Variants in PRNP observed in about 807,000 individuals in gnomAD.
PRNP encodes the protein major prion protein.
PRNP carries 15 observed loss-of-function variants against 21.3 expected under a neutral mutation model. The ratio of observed to expected loss-of-function variants is 0.71; its 90% CI spans 0.47 to 1.09. PRNP has a LOEUF of 1.09. Ranked by LOEUF, PRNP falls within the 50% of genes least tolerant of loss-of-function variation. The probability of loss-of-function intolerance (pLI) is 0.00; values close to 1 mark genes in which losing one functional copy is unlikely to be tolerated. For synonymous variants in PRNP, 121 were observed against 123.1 expected (o/e 0.98, Z 0.11); for missense variants, 285 against 340.9 (o/e 0.84, Z 1.29).
chr20:4,695,860 T>C (rs1922135860), intron 1 of PRNP, among the ~76,000 whole-genome samples: 1 of 152,230 alleles, frequency 6.6e-6, no homozygotes, highest in South Asian at 2.1e-4. Context: ...TAGTTAGGGA[T>C]CTAGTTTTCT....
chr20:4,700,324 C>CAGAGG lies in PRNP; in HGVS notation c.*342_*343insAGAGG. The CAGAGG allele has an allele frequency of 2.1e-6, 1 of 484,156 alleles. No homozygotes were observed. The highest frequency in any genetic ancestry group is 3.9e-6 in the Non-Finnish European group (1 of 256,020). 30.0% of individuals were successfully genotyped at this position (484,156 alleles called of 1,614,324 possible). A position where few individuals can be genotyped will look rare whatever the true frequency, so the allele number is the denominator to read the frequency against. ...TCAGAACAGTCTGAAATACCTTTGC[C>CAGAGG]TGGATACCTCTGGCTCCTTCAGCAG... is the stretch of plus-strand genomic sequence containing the variant. On this transcript the variant is annotated 3_prime_UTR_variant, in exon 2 of 2. Transcript: ENST00000379440. This position sits in a 1 kb window ranked among gnomAD's most constrained non-coding sequence, Gnocchi z 4.1.
chr20:4,694,602 T>C (rs904017516), intron 1 of PRNP, among the ~76,000 whole-genome samples: 11 of 152,212 alleles, frequency 7.2e-5, no homozygotes, highest in Admixed American at 5.2e-4. Context: ...CTCTTAATTT[T>C]ATTTAGAAAT....
intron 1 of PRNP, among the ~76,000 whole-genome samples, chr20:4,694,192 AT>A (rs200649657): frequency 1.5e-4 from 21 of 140,720 alleles, no homozygotes; most frequent in Admixed American, 2.1e-4. Flanking sequence ...CTAGCCTTCT[AT>A]TTTTTTTTTT....
chr20:4,698,884 G>A (rs1293737631), intron 1 of PRNP, among the ~76,000 whole-genome samples: 2 of 152,202 alleles, frequency 1.3e-5, no homozygotes, highest in African/African-American at 2.4e-5. Context: ...GTCATAAATT[G>A]TCATTCTGGA....
At chr20:4,688,568 A>T (rs188008726) in intron 1 of PRNP, among the ~76,000 whole-genome samples, 10 of 152,346 alleles carry the variant, frequency 6.6e-5, no homozygotes, top group Non-Finnish European at 1.2e-4. Flanking sequence ...AAAAACAGGC[A>T]TGTATTCCTA....
chr20:4,691,687 C>T (rs1032070429), intron 1 of PRNP, among the ~76,000 whole-genome samples: 1 of 152,150 alleles, frequency 6.6e-6, no homozygotes, highest in African/African-American at 2.4e-5. Flanking sequence ...AGAATTTTTG[C>T]ACCTATGTTC....
At chr20:4,698,067 G>A (rs1262425791) in intron 1 of PRNP, among the ~76,000 whole-genome samples, 2 of 151,922 alleles carry the variant, frequency 1.3e-5, no homozygotes, top group Non-Finnish European at 2.9e-5. Context: ...TTCCTGGGGT[G>A]TATGAGTAGC....
Position 4,686,902 on chromosome 20 carries a change from G to A in PRNP, c.-11+390G>A, listed in dbSNP as rs1921478977. ...AGGGAACTCCGGGAGGGCCGCCAGC[G>A]GGCTCCGCAGGGCGCGGGGCGGGGA... is the stretch of plus-strand genomic sequence containing the variant. On this transcript the variant is annotated intron_variant, in intron 1 of 1. Transcript: ENST00000379440. The surrounding 1 kb of genome is among the most constrained non-coding windows in gnomAD (Gnocchi z 6.7). Among the ~76,000 whole-genome samples the A allele has an allele frequency of 1.3e-5, 2 of 151,518 alleles. No homozygotes were observed. Among genetic ancestry groups the A allele is most frequent in the South Asian group, 4.1e-4 (2 of 4,826 alleles).
At chr20:4,688,852 A>G (rs1228260877) in intron 1 of PRNP, among the ~76,000 whole-genome samples, 1 of 152,216 alleles carries the variant, frequency 6.6e-6, no homozygotes, top group African/African-American at 2.4e-5. Flanking sequence ...CGGTGATCTT[A>G]ATTTTCCTTT....
In PRNP at chr20:4,700,593, G is replaced by A. The variant is rs1185513507; in HGVS notation, c.*611G>A. Reference sequence around the variant, plus strand: ...TACTTTTCACAGTATGGGCTACACAGCAGCTGTTCAACAAGAGTAAATATT... The same window carrying A: ...TACTTTTCACAGTATGGGCTACACAACAGCTGTTCAACAAGAGTAAATATT... On this transcript the variant is annotated 3_prime_UTR_variant, in exon 2 of 2. Coordinates refer to ENST00000379440, the MANE Select transcript of PRNP (RefSeq NM_000311.5). This position sits in a 1 kb window ranked among gnomAD's most constrained non-coding sequence, Gnocchi z 4.1. The A allele has an allele frequency of 4.6e-6, 1 of 215,918 alleles. No individual in the cohort carries two copies. The highest frequency in any genetic ancestry group is 1.0e-5 in the Non-Finnish European group (1 of 97,724). 13.4% of individuals were successfully genotyped at this position (215,918 alleles called of 1,614,324 possible).
At chr20:4,693,303 T>A (rs1568530922) in intron 1 of PRNP, among the ~76,000 whole-genome samples, 2 of 152,082 alleles carry the variant, frequency 1.3e-5, no homozygotes, top group Non-Finnish European at 1.5e-5. Flanking sequence ...GCCTCTCCAT[T>A]CCCTTTCTTG....
chr20:4,699,891 C>T lies in PRNP; in HGVS notation c.671C>T (p.Ala224Val), dbSNP rs1448957248. The T allele has an allele frequency of 6.2e-7, 1 of 1,613,848 alleles. No individual in the cohort carries two copies. The highest frequency in any genetic ancestry group is 8.5e-7 in the Non-Finnish European group (1 of 1,179,950). Residue 224 changes from alanine (A) to valine (V), a missense_variant, in exon 2 of 2, where the codon GCC (alanine) becomes GTC (valine). Transcript: ENST00000379440. This position sits in a 1 kb window ranked among gnomAD's most constrained non-coding sequence, Gnocchi z 5.8. ...ACCCAGTACGAGAGGGAATCTCAGG[C>T]CTATTACCAGAGAGGATCGAGCATG... ...CITQYERESQ[A>V]YYQRGSSMVL... is the part of the protein sequence containing the mutation.
rs185377469 is a variant in PRNP, at chr20:4,695,795, A to G, written c.-10-3416A>G. On this transcript the variant is annotated intron_variant, in intron 1 of 1. Coordinates refer to ENST00000379440, the MANE Select transcript of PRNP (RefSeq NM_000311.5). ...CCAATATTTTCCTCTTCTAGCGCCA[A>G]ACTTGTACCTTTCACATGTAAGTCT... is the stretch of plus-strand genomic sequence containing the variant. Among the ~76,000 whole-genome samples the G allele has an allele frequency of 4.1e-4, 62 of 152,258 alleles. 1 individual carries two copies. The highest frequency in any genetic ancestry group is 1.3e-3 in the African/African-American group (53 of 41,542).
chr20:4,693,136 A>G (rs1472701316), intron 1 of PRNP, among the ~76,000 whole-genome samples: 1 of 152,134 alleles, frequency 6.6e-6, no homozygotes, highest in African/African-American at 2.4e-5. Context: ...TGGTTATGGA[A>G]GTCCCAGACC....
Position 4,697,496 on chromosome 20 carries a change from A to G in PRNP, c.-10-1715A>G, listed in dbSNP as rs1922240234. Among the ~76,000 whole-genome samples the G allele has an allele frequency of 6.6e-6, 1 of 152,232 alleles. No individual in the cohort carries two copies. Among genetic ancestry groups the G allele is most frequent in the South Asian group, 2.1e-4 (1 of 4,836 alleles). ...CTGTTTTAGGTAGAGTGATGGGAAC[A>G]GCCCCACTGAGCAAACTTTAGCCAC... On this transcript the variant is annotated intron_variant, in intron 1 of 1. Coordinates refer to ENST00000379440, the MANE Select transcript of PRNP (RefSeq NM_000311.5). The surrounding 1 kb of genome is among the most constrained non-coding windows in gnomAD (Gnocchi z 4.6).
In PRNP at chr20:4,699,661, C is replaced by T. The variant is rs1436968066; in HGVS notation, c.441C>T (p.Asp147=). The change falls in exon 2 of 2, where the codon GAC becomes GAT. Residue 147 remains aspartate (D), a synonymous_variant. Transcript: ENST00000379440. This position sits in a 1 kb window ranked among gnomAD's most constrained non-coding sequence, Gnocchi z 5.8. ...TACATTTCGGCAGTGACTATGAGGA[C>T]CGTTACTATCGTGAAAACATGCACC... ...PIIHFGSDYE[D]RYYRENMHRY... 2 of 1,613,938 alleles carry T rather than the reference C, an allele frequency of 1.2e-6. No individual in the cohort carries two copies. Among genetic ancestry groups the T allele is most frequent in the Non-Finnish European group, 1.7e-6 (2 of 1,180,020 alleles).
At chr20:4,698,324 G>T (rs1922301378) in intron 1 of PRNP, among the ~76,000 whole-genome samples, 1 of 152,078 alleles carries the variant, frequency 6.6e-6, no homozygotes, top group South Asian at 2.1e-4. Context: ...TTATTTATTT[G>T]GTAATTCTTT....
rs1465555281 is a variant in PRNP, at chr20:4,699,885, C to T, written c.665C>T (p.Ser222Phe). The change falls in exon 2 of 2, where the codon TCT becomes TTT. Residue 222 changes from serine (S) to phenylalanine (F), a missense_variant. Physicochemically the swap from Ser to Phe is radical, Grantham distance 155 (BLOSUM62 -2). Transcript: ENST00000379440. The surrounding 1 kb of genome is among the most constrained non-coding windows in gnomAD (Gnocchi z 5.8). Reference protein sequence around the residue: ...QMCITQYERESQAYYQRGSSM... With the variant: ...QMCITQYEREFQAYYQRGSSM... ...TGTATCACCCAGTACGAGAGGGAATCTCAGGCCTATTACCAGAGAGGATCG... is the reference window on the plus strand; with the variant it reads ...TGTATCACCCAGTACGAGAGGGAATTTCAGGCCTATTACCAGAGAGGATCG... 1 of 1,613,932 alleles carries T rather than the reference C, an allele frequency of 6.2e-7. No homozygotes were observed. Among genetic ancestry groups the T allele is most frequent in the East Asian group, 2.2e-5 (1 of 44,846 alleles).
At chr20:4,689,689 A>G (rs2122200305) in intron 1 of PRNP, among the ~76,000 whole-genome samples, 1 of 152,300 alleles carries the variant, frequency 6.6e-6, no homozygotes, top group Non-Finnish European at 1.5e-5. Context: ...AACATTCAAA[A>G]CATGTCTGTA....
Sources: allele counts gnomAD v4.1 joint callset (sites outside exome capture counted in the v4.1 genomes callset), GRCh38; gene constraint gnomAD v4.1.1; non-coding constraint Gnocchi (gnomAD v3.1); transcripts MANE v1.5; gene names NCBI Gene and HGNC (gene_info 2026-07-23, HGNC 2026-07-21).